The following LMO7 variants were observed in gnomAD, a reference collection of about 807,000 sequenced individuals.
LMO7 encodes LIM domain 7.
Under a neutral mutation model 206.5 loss-of-function variants are expected in LMO7, and 120 were observed. The ratio of observed to expected loss-of-function variants is 0.58; its 90% CI spans 0.50 to 0.68. The LOEUF (loss-of-function observed/expected upper bound fraction) is 0.68, where lower values mean the gene tolerates loss of function less well. Ranked by LOEUF, LMO7 falls within the 30% of genes least tolerant of loss-of-function variation. LMO7 has a pLI of 0.00. For missense variants in LMO7, 1,959 were observed against 1,957.9 expected (o/e 1.00, Z -0.01); for synonymous variants, 706 against 681.5 (o/e 1.04, Z -0.56).
At chr13:75,698,583 C>G (rs1187422187) in intron 1 of LMO7, among the ~76,000 whole-genome samples, 1 of 149,868 alleles carries the variant, frequency 6.7e-6, no homozygotes, top group Non-Finnish European at 1.5e-5. Flanking sequence ...GACATTTCAT[C>G]TGGCCAAAAT....
In LMO7 at chr13:75,800,841, C is replaced by A. The variant is rs780793731; in HGVS notation, c.620C>A (p.Thr207Lys). The stretch of plus-strand genomic sequence containing the variant: ...GACTCTTTGGGCTCGAGGTCATTGA[C>A]AAGCTGCTCCTCTGATATCACGTTG... ...SLDSLGSRSL[T>K]SCSSDITLRG... The change falls in exon 7 of 31, where the codon ACA becomes AAA. Residue 207 changes from threonine (T) to lysine (K), a missense_variant. Physicochemically the swap from Thr to Lys is moderately conservative, Grantham distance 78 (BLOSUM62 -1). Coordinates refer to ENST00000377534, the MANE Select transcript of LMO7 (RefSeq NM_001306080.2). The A allele has an allele frequency of 3.7e-6, 6 of 1,613,922 alleles. No individual in the cohort carries two copies. The highest frequency in any genetic ancestry group is 4.2e-6 in the Non-Finnish European group (5 of 1,179,918).
At chr13:75,679,090 TC>T (rs1294634163) in intron 1 of LMO7, among the ~76,000 whole-genome samples, 1 of 152,148 alleles carries the variant, frequency 6.6e-6, no homozygotes, top group African/African-American at 2.4e-5. Flanking sequence ...CATTGTTTTT[TC>T]CCCCCTTTCT....
intron 3 of LMO7, among the ~76,000 whole-genome samples, chr13:75,741,067 C>T (rs1221086704): frequency 6.6e-6 from 1 of 152,106 alleles, no homozygotes; most frequent in Non-Finnish European, 1.5e-5. Context: ...CTAATAGAGA[C>T]AGTGAATGTT....
intron 4 of LMO7, among the ~76,000 whole-genome samples, chr13:75,790,802 G>C (rs1208002737): frequency 6.6e-6 from 1 of 152,116 alleles, no homozygotes; most frequent in East Asian, 1.9e-4. Context: ...TTGCCAGAAA[G>C]CAAAGGAATT....
chr13:75,814,811 T>G (rs986745083), intron 11 of LMO7, among the ~76,000 whole-genome samples: 4 of 152,058 alleles, frequency 2.6e-5, no homozygotes, highest in Admixed American at 6.6e-5. Context: ...AGCAGATGCC[T>G]GGAAGTGAGA....
intron 15 of LMO7, 54 bp from the exon 16 acceptor site, chr13:75,832,997 C>T (rs1225645920): frequency 4.2e-6 from 4 of 948,364 alleles, no homozygotes; most frequent in African/African-American, 3.2e-5. Context: ...ATAGACTTTC[C>T]TCCATGTGGG....
At chr13:75,798,940 G>A (rs1178461769) in intron 6 of LMO7, among the ~76,000 whole-genome samples, 2 of 152,308 alleles carry the variant, frequency 1.3e-5, no homozygotes, top group South Asian at 2.1e-4. Context: ...TAACAAATAC[G>A]TGTTTGAGAA....
chr13:75,621,751 G>A, exon 1 of LMO7: 1 of 1,612,708 alleles, frequency 6.2e-7, no homozygotes, highest in Non-Finnish European at 8.5e-7. Context: ...GTCCTATGAT[G>A]TTCTCTTCCA....
At position 75,713,218 on chromosome 13, in the gene LMO7, C is replaced by T; in HGVS notation, c.106C>T (p.Arg36Ter). 6.3e-6 allele frequency: 10 copies of T among 1,597,314 alleles called. No individual in the cohort carries two copies. Among genetic ancestry groups the T allele is most frequent in the South Asian group, 3.3e-5 (3 of 89,960 alleles). The stretch of plus-strand genomic sequence containing the variant: ...GAAGAATTTTGAAACAAAAGATTTT[C>T]GAGCCTCTCTAGAAAATGGTGTTCT... Reference protein sequence around the residue: ...TEKNFETKDFRASLENGVLLC... With the variant: ...TEKNFETKDF Residue 36 changes from arginine (R) to a stop codon, truncating the protein, a stop_gained, in exon 2 of 31, where the codon CGA (arginine) becomes TGA (stop). Coordinates refer to ENST00000377534, the MANE Select transcript of LMO7 (RefSeq NM_001306080.2). LOFTEE classifies it high-confidence loss of function.
At chr13:75,690,205 G>T (rs977242733) in intron 1 of LMO7, among the ~76,000 whole-genome samples, 2 of 152,122 alleles carry the variant, frequency 1.3e-5, no homozygotes, top group East Asian at 3.9e-4. Context: ...TAGTAGCTGG[G>T]ATTACAGGCT....
intron 2 of LMO7, among the ~76,000 whole-genome samples, chr13:75,626,118 C>T (rs1362665318): frequency 6.6e-6 from 1 of 152,218 alleles, no homozygotes; most frequent in Admixed American, 6.5e-5. Flanking sequence ...TCTCTTATCT[C>T]CAGGCCAGTC....
chr13:75,651,726 G>A (rs564248487), intron 1 of LMO7, among the ~76,000 whole-genome samples: 7 of 152,212 alleles, frequency 4.6e-5, no homozygotes, highest in South Asian at 4.1e-4. Flanking sequence ...GTCATTTTGC[G>A]GTACAAGCTT....
At chr13:75,750,300 T>C (rs949848315) in intron 3 of LMO7, among the ~76,000 whole-genome samples, 5 of 151,800 alleles carry the variant, frequency 3.3e-5, no homozygotes, top group Non-Finnish European at 5.9e-5. Flanking sequence ...TCTTAAGTTA[T>C]ATTTGATGAA....
upstream of LMO7, among the ~76,000 whole-genome samples, chr13:75,634,187 C>T (rs55825533): frequency 0.38 from 57,634 of 151,780 alleles, 11,224 homozygotes; most frequent in East Asian, 0.5. Context: ...CCACCAGGCT[C>T]AGCACTTTGG....
rs2061119554 is a variant in LMO7 at position 75,858,297 on chromosome 13, T to C, written c.*354T>C. On this transcript the variant is annotated 3_prime_UTR_variant, in exon 31 of 31. Coordinates refer to ENST00000377534, the MANE Select transcript of LMO7 (RefSeq NM_001306080.2). ...TTGAAGAGGGTATTTTATTGTTTTT[T>C]AAAAAAAGGTTCTTAAACATTATTT... 1 of 211,038 alleles carries C rather than the reference T, an allele frequency of 4.7e-6. No individual in the cohort carries two copies. Among genetic ancestry groups the C allele is most frequent in the Non-Finnish European group, 9.4e-6 (1 of 106,802 alleles). 13.1% of individuals were successfully genotyped at this position (211,038 alleles called of 1,614,324 possible).
At chr13:75,798,305 G>A (rs2054291812) in intron 6 of LMO7, among the ~76,000 whole-genome samples, 1 of 152,218 alleles carries the variant, frequency 6.6e-6, no homozygotes, top group Non-Finnish European at 1.5e-5. Context: ...GGGAGGCAGA[G>A]GTTGTGGTGA....
In LMO7 at chr13:75,858,627, T is replaced by A. The variant is rs2061135398; in HGVS notation, c.*684T>A. 1 of 152,652 alleles carries A rather than the reference T, an allele frequency of 6.6e-6. No homozygotes were observed. The highest frequency in any genetic ancestry group is 2.1e-4 in the South Asian group (1 of 4,830). 9.5% of individuals were successfully genotyped at this position (152,652 alleles called of 1,614,324 possible). A position where few individuals can be genotyped will look rare whatever the true frequency, so the allele number is the denominator to read the frequency against. On this transcript the variant is annotated 3_prime_UTR_variant, in exon 31 of 31. Coordinates refer to ENST00000377534, the MANE Select transcript of LMO7 (RefSeq NM_001306080.2). The stretch of plus-strand genomic sequence containing the variant: ...ACTAGAAGTCTTCTTCAGAAACTGG[T>A]GAGCCTTTCTGTTCAATTGCATTTG...
At chr13:75,639,049 C>A (rs777278158) in intron 1 of LMO7, among the ~76,000 whole-genome samples, 10 of 152,170 alleles carry the variant, frequency 6.6e-5, no homozygotes, top group Admixed American at 1.3e-4. Flanking sequence ...TATATATTCG[C>A]AACTGCAGCT....
upstream of LMO7, among the ~76,000 whole-genome samples, chr13:75,633,585 G>T (rs1258551948): frequency 6.6e-6 from 1 of 152,066 alleles, no homozygotes; most frequent in East Asian, 1.9e-4. Context: ...AGACAGCCTG[G>T]TTTTTTCAAT....
Sources: gnomAD v4.1 joint callset for allele counts (sites outside exome capture counted in the v4.1 genomes callset) on GRCh38, gnomAD v4.1.1 for gene constraint, MANE v1.5 for transcripts, NCBI Gene and HGNC (gene_info 2026-07-23, HGNC 2026-07-21) for gene names.